Variants in AHCTF1 observed in about 807,000 individuals in gnomAD.
The protein encoded by AHCTF1 is protein ELYS.
Under a neutral mutation model 248.4 loss-of-function variants are expected in AHCTF1, and 24 were observed. The observed-to-expected ratio is 0.10, with a 90% CI of 0.07 to 0.14. The LOEUF is 0.14. Among genes scored for constraint, AHCTF1 ranks in the 10% least tolerant of loss-of-function variants. The pLI is 1.00. For synonymous variants in AHCTF1, 786 were observed against 929.8 expected, an observed-to-expected ratio of 0.85 and a Z score of 2.81; for missense variants, 2,206 against 2,636.2, an observed-to-expected ratio of 0.84 and a Z score of 3.57.
At chr1:246,841,075 G>GA in intron 35 of AHCTF1, 77 bp from the exon 36 acceptor site, 1 of 1,325,186 alleles carries the variant, frequency 7.5e-7, no homozygotes, top group Non-Finnish European at 1.0e-6. Flanking sequence ...AACATGTTGA[G>GA]AAAAACCTTA....
intron 1 of AHCTF1, among the ~76,000 whole-genome samples, chr1:246,921,126 G>A (rs1358443756): frequency 6.6e-6 from 1 of 151,932 alleles, no homozygotes; most frequent in Non-Finnish European, 1.5e-5. Context: ...AATAAAAGCA[G>A]CAGAAAATAC....
chr1:246,918,029 T>C (rs991785103), intron 2 of AHCTF1, among the ~76,000 whole-genome samples: 1 of 152,140 alleles, frequency 6.6e-6, no homozygotes, highest in African/African-American at 2.4e-5. Flanking sequence ...CATGAGATTT[T>C]TAATAAGGAA....
At chr1:246,847,175 G>C (rs1054601847) in intron 33 of AHCTF1, among the ~76,000 whole-genome samples, 4 of 151,854 alleles carry the variant, frequency 2.6e-5, no homozygotes, top group African/African-American at 9.7e-5. Flanking sequence ...TGTAATCCCA[G>C]CTACTGGGGA....
intron 24 of AHCTF1, among the ~76,000 whole-genome samples, chr1:246,868,961 C>T (rs909042873): frequency 2.6e-5 from 4 of 151,186 alleles, no homozygotes; most frequent in South Asian, 4.2e-4. Context: ...TCTCCTGCCT[C>T]AGCCTGCTGA....
rs139833065 is a variant in AHCTF1, at chr1:246,858,078, G to A, written c.4133-264C>T. 8.9e-3 allele frequency among the ~76,000 whole-genome samples: 1,341 copies of A among 151,126 alleles called. 17 individuals are homozygous for A. Among genetic ancestry groups the A allele is most frequent in the African/African-American group, 0.031 (1,278 of 41,154 alleles). On this transcript the variant is annotated intron_variant, in intron 29 of 35. Coordinates refer to ENST00000648844, the MANE Select transcript of AHCTF1 (RefSeq NM_001323342.2). ...AGGTTCACGCCATTCTCCTGCCTCCGCCCCCCGAGTAGCTGGCACTACAGA... is the reference window on the plus strand; with the variant it reads ...AGGTTCACGCCATTCTCCTGCCTCCACCCCCCGAGTAGCTGGCACTACAGA...
chr1:246,894,517 T>TG, intron 14 of AHCTF1, 142 bp downstream of exon 14: 2 of 685,852 alleles, frequency 2.9e-6, no homozygotes, highest in Non-Finnish European at 4.8e-6. Flanking sequence ...CACTATAGCC[T>TG]GGCGACAGAG....
chr1:246,853,066 G>A, intron 32 of AHCTF1, 25 bp downstream of exon 32: 2 of 1,563,264 alleles, frequency 1.3e-6, no homozygotes, highest in African/African-American at 1.4e-5. Context: ...GACTGATAAA[G>A]AAGTAAAAAA....
intron 6 of AHCTF1, among the ~76,000 whole-genome samples, chr1:246,904,806 TTATTTC>T (rs1665269126): frequency 6.6e-6 from 1 of 152,216 alleles, no homozygotes; most frequent in South Asian, 2.1e-4. Context: ...TTACTAGTTC[TTATTTC>T]TTTTACTTGG....
intron 5 of AHCTF1, among the ~76,000 whole-genome samples, chr1:246,906,406 C>T (rs1487442474): frequency 1.3e-5 from 2 of 151,396 alleles, no homozygotes; most frequent in East Asian, 1.9e-4. Context: ...GGTGAAAATC[C>T]GTCTCTAAAA....
At chr1:246,847,248 C>T (rs1443946807) in intron 33 of AHCTF1, among the ~76,000 whole-genome samples, 1 of 150,782 alleles carries the variant, frequency 6.6e-6, no homozygotes, top group East Asian at 2.0e-4. Flanking sequence ...AAGATCACAC[C>T]ATTGCACTCC....
intron 3 of AHCTF1, 73 bp downstream of exon 3, chr1:246,916,069 G>A: frequency 6.6e-7 from 1 of 1,506,144 alleles, no homozygotes; most frequent in Non-Finnish European, 8.9e-7. Flanking sequence ...ATTTCAAAAA[G>A]TAACACACCT....
chr1:246,921,170 C>T (rs1283101078), intron 1 of AHCTF1, among the ~76,000 whole-genome samples: 1 of 152,000 alleles, frequency 6.6e-6, no homozygotes, highest in Non-Finnish European at 1.5e-5. Context: ...GTTAAAAAGA[C>T]ACGCAGAACT....
chr1:246,919,086 C>T (rs898095274), intron 1 of AHCTF1, among the ~76,000 whole-genome samples: 1 of 152,094 alleles, frequency 6.6e-6, no homozygotes, highest in Non-Finnish European at 1.5e-5. Context: ...TTATAAACAA[C>T]CAAAAATACT....
chr1:246,887,604 G>A (rs557895592), intron 19 of AHCTF1, among the ~76,000 whole-genome samples: 40 of 152,240 alleles, frequency 2.6e-4, no homozygotes, highest in African/African-American at 9.1e-4. Context: ...GAGATAAAGC[G>A]TATTTTTATG....
intron 14 of AHCTF1, among the ~76,000 whole-genome samples, chr1:246,894,300 C>T (rs892961510): frequency 1.3e-5 from 2 of 152,100 alleles, no homozygotes; most frequent in African/African-American, 4.8e-5. Flanking sequence ...AGGCCAGGCG[C>T]GGTGGCTCAC....
At chr1:246,865,899 A>T (rs969653720) in intron 26 of AHCTF1, among the ~76,000 whole-genome samples, 1 of 152,144 alleles carries the variant, frequency 6.6e-6, no homozygotes, top group African/African-American at 2.4e-5. Context: ...TATTTTCAAA[A>T]ATCTATAGTG....
chr1:246,902,414 A>G (rs1279490862), intron 8 of AHCTF1, 111 bp downstream of exon 8: 4 of 1,334,098 alleles, frequency 3.0e-6, no homozygotes, highest in Non-Finnish European at 4.1e-6. Flanking sequence ...AATTCCGTTA[A>G]TTACTATTCC....
intron 12 of AHCTF1, among the ~76,000 whole-genome samples, chr1:246,897,727 T>C (rs1385890175): frequency 6.6e-6 from 1 of 152,098 alleles, no homozygotes; most frequent in African/African-American, 2.4e-5. Flanking sequence ...ATGCCTGTAA[T>C]TTCAGCACTT....
intron 4 of AHCTF1, among the ~76,000 whole-genome samples, chr1:246,910,934 G>A (rs981812818): frequency 3.3e-5 from 5 of 152,214 alleles, no homozygotes; most frequent in Non-Finnish European, 2.9e-5. Flanking sequence ...TATTTATGCT[G>A]TATGTTTGGA....
Sources: allele counts gnomAD v4.1 joint callset (sites outside exome capture counted in the v4.1 genomes callset), GRCh38; gene constraint gnomAD v4.1.1; transcripts MANE v1.5; gene names NCBI Gene and HGNC (gene_info 2026-07-23, HGNC 2026-07-21).